Variants in CTNNA3 observed in about 807,000 individuals in gnomAD.
The protein encoded by CTNNA3 is catenin alpha 3.
A neutral mutation model predicts 95.7 loss-of-function variants in CTNNA3; 76 were observed. The ratio of observed to expected loss-of-function variants is 0.79; its 90% CI spans 0.66 to 0.96. CTNNA3 has a LOEUF of 0.96. Ranked by LOEUF, CTNNA3 falls within the 40% of genes least tolerant of loss-of-function variation. The pLI is 0.00. For missense variants in CTNNA3, 1,191 were observed against 1,089.8 expected, an observed-to-expected ratio of 1.09 and a Z score of -1.31; for synonymous variants, 431 against 374.4, an observed-to-expected ratio of 1.15 and a Z score of -1.74.
intron 7 of CTNNA3, among the ~76,000 whole-genome samples, chr10:66,854,742 C>CG (rs1843624568): frequency 8.5e-6 from 1 of 117,482 alleles, no homozygotes; most frequent in Non-Finnish European, 2.0e-5. Context: ...AAGAAAATGT[C>CG]ATTTTTTTTT....
intron 8 of CTNNA3, among the ~76,000 whole-genome samples, chr10:66,770,498 C>T (rs1840046238): frequency 6.6e-6 from 1 of 152,186 alleles, no homozygotes; most frequent in Non-Finnish European, 1.5e-5. Flanking sequence ...TGTGGCCAGG[C>T]ATGAAAGATG....
intron 9 of CTNNA3, among the ~76,000 whole-genome samples, chr10:66,685,287 ATATATATGTGTG>A (rs1847231763): frequency 1.6e-5 from 1 of 62,172 alleles, no homozygotes; most frequent in Non-Finnish European, 2.9e-5. Context: ...ATATATAAGT[ATATATATGTGTG>A]TATATATATG....
At chr10:66,053,608 A>G (rs543733084) in intron 15 of CTNNA3, among the ~76,000 whole-genome samples, 1 of 152,008 alleles carries the variant, frequency 6.6e-6, no homozygotes, top group African/African-American at 2.4e-5. Context: ...TTTTGTACCC[A>G]TTAACCATCT....
chr10:67,628,954 A>G (rs1839047854), intron 2 of CTNNA3, among the ~76,000 whole-genome samples: 1 of 151,976 alleles, frequency 6.6e-6, no homozygotes, highest in African/African-American at 2.4e-5. Context: ...GTTTCTGACA[A>G]CTCTGAAACT....
chr10:66,082,147 C>A (rs2080791108), intron 14 of CTNNA3, among the ~76,000 whole-genome samples: 1 of 151,390 alleles, frequency 6.6e-6, no homozygotes, highest in Non-Finnish European at 1.5e-5. Flanking sequence ...AACATAAAAA[C>A]TGGCACTGCA....
intron 14 of CTNNA3, among the ~76,000 whole-genome samples, chr10:66,092,424 A>G (rs1056600131): frequency 2.3e-4 from 32 of 138,446 alleles, no homozygotes; most frequent in African/African-American, 8.6e-4. Flanking sequence ...ATGATGGTTT[A>G]TACATCATCT....
chr10:67,271,015 T>C (rs1248944515), intron 5 of CTNNA3, among the ~76,000 whole-genome samples: 2 of 152,286 alleles, frequency 1.3e-5, no homozygotes, highest in African/African-American at 2.4e-5. Flanking sequence ...CTCCAAATCA[T>C]GCAATCTAGT....
Position 67,079,855 on chromosome 10 carries a change from C to T in CTNNA3, c.1047+100462G>A, listed in dbSNP as rs868739506. ...ACAGCGAGACTCCATCTCAAAAAAACAAAACACACACACACACACACACAC... is the reference window on the plus strand; with the variant it reads ...ACAGCGAGACTCCATCTCAAAAAAATAAAACACACACACACACACACACAC... On this transcript the variant is annotated intron_variant, in intron 7 of 17. Transcript: ENST00000433211. Among the ~76,000 whole-genome samples, 271 of 127,300 alleles carry T rather than the reference C, an allele frequency of 2.1e-3. 3 individuals carry two copies. Among genetic ancestry groups the T allele is most frequent in the African/African-American group, 7.1e-3 (234 of 32,952 alleles). 83.5% of individuals were successfully genotyped at this position (127,300 alleles called of 152,430 possible).
At chr10:67,413,885 A>G (rs575006803) in intron 5 of CTNNA3, among the ~76,000 whole-genome samples, 3 of 152,254 alleles carry the variant, frequency 2.0e-5, no homozygotes, top group South Asian at 4.1e-4. Flanking sequence ...TTTGAAGTTA[A>G]TGAAAATAGG....
intron 13 of CTNNA3, among the ~76,000 whole-genome samples, chr10:66,259,214 T>C (rs571021038): frequency 6.6e-6 from 1 of 152,210 alleles, no homozygotes; most frequent in South Asian, 2.1e-4. Flanking sequence ...AATCGTTTCT[T>C]CTCCCCATGA....
intron 10 of CTNNA3, among the ~76,000 whole-genome samples, chr10:66,529,616 G>A (rs937441886): frequency 1.3e-5 from 2 of 151,992 alleles, no homozygotes; most frequent in Non-Finnish European, 2.9e-5. Context: ...TTTACTATAT[G>A]TGTAAAAATG....
At chr10:66,657,875 A>C (rs545380844) in intron 9 of CTNNA3, among the ~76,000 whole-genome samples, 82 of 152,306 alleles carry the variant, frequency 5.4e-4, no homozygotes, top group African/African-American at 1.9e-3. Context: ...GTTATTAAGA[A>C]TTTTGAGAGG....
At chr10:66,047,279 C>G (rs1252933128) in intron 15 of CTNNA3, among the ~76,000 whole-genome samples, 1 of 152,122 alleles carries the variant, frequency 6.6e-6, no homozygotes, top group Admixed American at 6.5e-5. Flanking sequence ...GACTAATCCA[C>G]TATGATTAAG....
At chr10:67,117,801 G>A (rs1031332415) in intron 7 of CTNNA3, among the ~76,000 whole-genome samples, 4 of 151,934 alleles carry the variant, frequency 2.6e-5, no homozygotes, top group African/African-American at 9.7e-5. Context: ...TGTGCAATTA[G>A]GTTAATAATG....
chr10:67,389,766 C>T (rs1354449574), intron 5 of CTNNA3, among the ~76,000 whole-genome samples: 3 of 151,584 alleles, frequency 2.0e-5, no homozygotes, highest in African/African-American at 7.3e-5. Context: ...CACTCAAAAC[C>T]GCTCAACTAC....
At chr10:66,369,343 T>C (rs548195327) in intron 12 of CTNNA3, among the ~76,000 whole-genome samples, 1 of 152,150 alleles carries the variant, frequency 6.6e-6, no homozygotes, top group Non-Finnish European at 1.5e-5. Context: ...TTCGAACTAC[T>C]TCTATCCTCC....
chr10:67,691,578 G>T (rs1488988752), intron 1 of CTNNA3, among the ~76,000 whole-genome samples: 1 of 150,444 alleles, frequency 6.6e-6, no homozygotes, highest in African/African-American at 2.5e-5. Context: ...TCTCTGCCCG[G>T]TCGCCCCGTC....
At chr10:67,169,363 A>G (rs115326283) in intron 7 of CTNNA3, among the ~76,000 whole-genome samples, 3,549 of 152,308 alleles carry the variant, frequency 0.023, 115 homozygotes, top group African/African-American at 0.074. Context: ...AGCTGGAAGC[A>G]TCACGTTACC....
intron 10 of CTNNA3, among the ~76,000 whole-genome samples, chr10:66,551,871 C>T (rs1285887952): frequency 6.8e-6 from 1 of 147,860 alleles, no homozygotes; most frequent in South Asian, 2.2e-4. Context: ...GGTTCATTCA[C>T]GGGATTAGGG....
Sources: allele counts gnomAD v4.1 joint callset (sites outside exome capture counted in the v4.1 genomes callset), GRCh38; gene constraint gnomAD v4.1.1; transcripts MANE v1.5; gene names NCBI Gene and HGNC (gene_info 2026-07-23, HGNC 2026-07-21).